Variants in GRAMD1B observed in about 807,000 individuals in gnomAD.
GRAMD1B encodes the protein GRAM domain containing 1B.
A neutral mutation model predicts 99.7 loss-of-function variants in GRAMD1B; 37 were observed. The ratio of observed to expected loss-of-function variants is 0.37; its 90% CI spans 0.29 to 0.49. The LOEUF (loss-of-function observed/expected upper bound fraction) is 0.49, where lower values mean the gene tolerates loss of function less well. Ranked by LOEUF, GRAMD1B falls within the 20% of genes least tolerant of loss-of-function variation. The pLI is 0.98. For synonymous variants in GRAMD1B, 427 were observed against 387.6 expected, an observed-to-expected ratio of 1.10 and a Z score of -1.19; for missense variants, 888 against 1,009.2, an observed-to-expected ratio of 0.88 and a Z score of 1.63.
chr11:123,521,714 T>C (rs543216088), intron 2 of GRAMD1B, among the ~76,000 whole-genome samples: 1 of 152,362 alleles, frequency 6.6e-6, no homozygotes, highest in African/African-American at 2.4e-5. Flanking sequence ...TTTTAGTTCC[T>C]GGGCAGCATT....
intron 2 of GRAMD1B, among the ~76,000 whole-genome samples, chr11:123,569,080 C>G (rs1234732481): frequency 1.3e-5 from 2 of 152,174 alleles, no homozygotes; most frequent in African/African-American, 4.8e-5. Context: ...AAGAACCATC[C>G]TGCTGTCTGT....
intron 2 of GRAMD1B, among the ~76,000 whole-genome samples, chr11:123,532,144 C>T (rs1195719654): frequency 6.6e-6 from 1 of 152,162 alleles, no homozygotes. Context: ...TCACCCCAAC[C>T]AGCTTAACTC....
At chr11:123,558,829 A>G (rs1440676599) in intron 2 of GRAMD1B, among the ~76,000 whole-genome samples, 2 of 152,352 alleles carry the variant, frequency 1.3e-5, no homozygotes, top group East Asian at 3.9e-4. Context: ...CTGCTGTTCT[A>G]TCAACGGGCT....
intron 7 of GRAMD1B, chr11:123,598,736 C>T (rs1489871282): frequency 1.1e-6 from 1 of 904,784 alleles, no homozygotes; most frequent in East Asian, 2.4e-5. Flanking sequence ...GGGCTCCAGC[C>T]TGCGTCAGAG....
At chr11:123,377,771 G>C (rs1946737998) in intron 1 of GRAMD1B, among the ~76,000 whole-genome samples, 1 of 152,188 alleles carries the variant, frequency 6.6e-6, no homozygotes, top group South Asian at 2.1e-4. Flanking sequence ...TCTTCCAATG[G>C]AAGACCCTGA....
At chr11:123,397,547 A>G (rs1478942765) in intron 1 of GRAMD1B, among the ~76,000 whole-genome samples, 1 of 152,206 alleles carries the variant, frequency 6.6e-6, no homozygotes, top group Non-Finnish European at 1.5e-5. Context: ...GCTCTCACTC[A>G]GGCTGGAGTG....
chr11:123,589,642 A>ATATATATAT (rs1950446757), intron 4 of GRAMD1B, among the ~76,000 whole-genome samples: 1 of 139,458 alleles, frequency 7.2e-6, no homozygotes, highest in African/African-American at 2.6e-5. Flanking sequence ...ATATATTTGT[A>ATATATATAT]GTAGAGACGG....
chr11:123,410,187 G>A, intron 1 of GRAMD1B, among the ~76,000 whole-genome samples: 1 of 151,656 alleles, frequency 6.6e-6, no homozygotes, highest in Non-Finnish European at 1.5e-5. Flanking sequence ...AAGAAAAAAG[G>A]AGCTTATAAA....
At chr11:123,364,369 G>A (rs149677166) in intron 1 of GRAMD1B, among the ~76,000 whole-genome samples, 1 of 152,204 alleles carries the variant, frequency 6.6e-6, no homozygotes, top group East Asian at 1.9e-4. Context: ...CGTCTCTGAC[G>A]CAGGGAGCGA....
intron 14 of GRAMD1B, 55 bp from the exon 15 acceptor site, chr11:123,612,706 G>T (rs1953755229): frequency 1.0e-6 from 1 of 970,056 alleles, no homozygotes; most frequent in Non-Finnish European, 1.6e-6. Flanking sequence ...CCTTTTCCCA[G>T]CAGAGGCAGG....
chr11:123,583,568 C>T (rs757301686), intron 3 of GRAMD1B, among the ~76,000 whole-genome samples: 1 of 152,164 alleles, frequency 6.6e-6, no homozygotes, highest in Non-Finnish European at 1.5e-5. Flanking sequence ...ACAGACAAGG[C>T]ACGATCTTAG....
At chr11:123,594,537 C>T (rs973180843) in intron 5 of GRAMD1B, among the ~76,000 whole-genome samples, 198 bp from the exon 6 acceptor site, 6 of 152,212 alleles carry the variant, frequency 3.9e-5, no homozygotes, top group African/African-American at 1.4e-4. Flanking sequence ...GGCAGTTGCA[C>T]ATCACACCAC....
intron 1 of GRAMD1B, among the ~76,000 whole-genome samples, chr11:123,456,993 T>A (rs1359529758): frequency 2.7e-5 from 4 of 149,546 alleles, no homozygotes; most frequent in African/African-American, 9.9e-5. Context: ...ATGCCTGTGG[T>A]CCCAGGTACT....
intron 2 of GRAMD1B, among the ~76,000 whole-genome samples, chr11:123,524,312 T>TTTA (rs1942474138): frequency 6.7e-6 from 1 of 149,518 alleles, no homozygotes; most frequent in Non-Finnish European, 1.5e-5. Flanking sequence ...TGCACTCCAG[T>TTTA]TTTTATTTTT....
At chr11:123,611,996 T>C (rs1791990) in intron 14 of GRAMD1B, among the ~76,000 whole-genome samples, 59,278 of 151,906 alleles carry the variant, frequency 0.39, 12,085 homozygotes, top group South Asian at 0.56. Flanking sequence ...GTGTGACCAG[T>C]GACTGGGAGC....
intron 1 of GRAMD1B, among the ~76,000 whole-genome samples, chr11:123,480,086 T>C (rs1053748882): frequency 6.6e-6 from 1 of 152,222 alleles, no homozygotes; most frequent in African/African-American, 2.4e-5. Flanking sequence ...TAAGCTTTTC[T>C]TTCTCTGGAG....
chr11:123,587,812 T>C lies in GRAMD1B; in HGVS notation c.684+3480T>C, dbSNP rs1007424740. 6.6e-6 allele frequency among the ~76,000 whole-genome samples: 1 copy of C among 152,064 alleles called. No homozygotes were observed. The highest frequency in any genetic ancestry group is 1.5e-5 in the Non-Finnish European group (1 of 67,992). The stretch of plus-strand genomic sequence containing the variant: ...AGCGAGAAAGCAAAAGAACAAAGGT[T>C]TGTAGGAATGGAATCCAGGGTGTTG... On this transcript the variant is annotated intron_variant, in intron 4 of 19. Transcript: ENST00000635736. This position sits in a 1 kb window ranked among gnomAD's most constrained non-coding sequence, Gnocchi z 4.2.
At chr11:123,401,746 C>A (rs1947669856) in intron 1 of GRAMD1B, among the ~76,000 whole-genome samples, 1 of 151,960 alleles carries the variant, frequency 6.6e-6, no homozygotes, top group East Asian at 1.9e-4. Flanking sequence ...TAAATAAAAA[C>A]AAAAACAAAG....
chr11:123,461,718 C>T (rs1950421034), intron 1 of GRAMD1B, among the ~76,000 whole-genome samples: 1 of 152,158 alleles, frequency 6.6e-6, no homozygotes, highest in South Asian at 2.1e-4. Context: ...GATTCTTCTG[C>T]CTTAGCCTCC....
Sources: allele counts gnomAD v4.1 joint callset (sites outside exome capture counted in the v4.1 genomes callset), GRCh38; gene constraint gnomAD v4.1.1; non-coding constraint Gnocchi (gnomAD v3.1); transcripts MANE v1.5; gene names NCBI Gene and HGNC (gene_info 2026-07-23, HGNC 2026-07-21).